The following PALS2 variants were observed in gnomAD, a reference collection of about 807,000 sequenced individuals.
The protein encoded by PALS2 is protein associated with LIN7 2, MAGUK p55 family member.
Under a neutral mutation model 61.6 loss-of-function variants are expected in PALS2, and 27 were observed. The observed-to-expected ratio is 0.44, with a 90% CI of 0.32 to 0.60. The LOEUF (loss-of-function observed/expected upper bound fraction) is 0.60. PALS2 is among the 20% of genes least tolerant of loss of function. The pLI is 0.05. For synonymous variants in PALS2, 236 were observed against 218.6 expected, an observed-to-expected ratio of 1.08 and a Z score of -0.70; for missense variants, 554 against 639.4, an observed-to-expected ratio of 0.87 and a Z score of 1.44.
At chr7:24,671,763 C>T (rs997352829) in intron 9 of PALS2, among the ~76,000 whole-genome samples, 1 of 152,066 alleles carries the variant, frequency 6.6e-6, no homozygotes, top group African/African-American at 2.4e-5. Flanking sequence ...TTGCACTTAT[C>T]CAGTTGTCAC....
chr7:24,595,502 TATATATAATATATAATATATATA>T (rs1477174444), intron 1 of PALS2, among the ~76,000 whole-genome samples: 2 of 110,490 alleles, frequency 1.8e-5, no homozygotes, highest in Non-Finnish European at 3.4e-5. Context: ...ATATTTTTAA[TATATATAATATATAATATATATA>T]ATATATAATA....
chr7:24,624,015 C>A, intron 2 of PALS2: 1 of 1,237,354 alleles, frequency 8.1e-7, no homozygotes, highest in Non-Finnish European at 1.1e-6. Context: ...TGGCGTAATG[C>A]CTTTAAGGTT....
intron 1 of PALS2, among the ~76,000 whole-genome samples, chr7:24,600,891 A>G (rs1347265995): frequency 6.6e-6 from 1 of 152,176 alleles, no homozygotes; most frequent in Non-Finnish European, 1.5e-5. Flanking sequence ...ATTTTTCAGC[A>G]TGCAAACTAG....
intron 1 of PALS2, among the ~76,000 whole-genome samples, chr7:24,585,179 G>A (rs559111183): frequency 6.6e-6 from 1 of 152,210 alleles, no homozygotes; most frequent in South Asian, 2.1e-4. Context: ...CTTTAAAGTA[G>A]TTTTTTCCAA....
chr7:24,615,025 A>T (rs1467037944), intron 1 of PALS2, among the ~76,000 whole-genome samples: 1 of 152,008 alleles, frequency 6.6e-6, no homozygotes, highest in Non-Finnish European at 1.5e-5. Context: ...TGGAATTTCA[A>T]CCACATGATC....
chr7:24,679,853 C>T (rs1298899661), intron 10 of PALS2, among the ~76,000 whole-genome samples: 1 of 152,136 alleles, frequency 6.6e-6, no homozygotes, highest in East Asian at 1.9e-4. Flanking sequence ...AGTCATTTCA[C>T]TATGCCTTAA....
At chr7:24,625,194 G>A (rs1784689570) in intron 2 of PALS2, among the ~76,000 whole-genome samples, 1 of 152,066 alleles carries the variant, frequency 6.6e-6, no homozygotes, top group Non-Finnish European at 1.5e-5. Context: ...CTGTTAAATA[G>A]TTTACCTGGG....
intron 1 of PALS2, among the ~76,000 whole-genome samples, chr7:24,608,696 G>T (rs1784012111): frequency 6.6e-6 from 1 of 152,122 alleles, no homozygotes; most frequent in African/African-American, 2.4e-5. Context: ...TGAACTCTTT[G>T]GCTCAAGTGA....
chr7:24,609,457 G>A (rs898518262), intron 1 of PALS2, among the ~76,000 whole-genome samples: 1 of 152,132 alleles, frequency 6.6e-6, no homozygotes, highest in Non-Finnish European at 1.5e-5. Flanking sequence ...AAGAACAGAA[G>A]GGAAGAAAAT....
At chr7:24,604,770 A>G (rs1249866772) in intron 1 of PALS2, among the ~76,000 whole-genome samples, 1 of 152,188 alleles carries the variant, frequency 6.6e-6, no homozygotes. Flanking sequence ...GTCTAACCCT[A>G]ATCACCTCCC....
rs962277193 is a variant in PALS2 at position 24,692,716 on chromosome 7, C to G, written c.*5102C>G. ...CAAATCCTTGCTGCCAACCAGACCA[C>G]TCACAAATCAAACAAAATGTAAGCA... On this transcript the variant is annotated 3_prime_UTR_variant, in exon 12 of 12. Coordinates refer to ENST00000222644, the MANE Select transcript of PALS2 (RefSeq NM_001303037.2). 6.6e-6 allele frequency: 1 copy of G among 152,144 alleles called. No individual in the cohort carries two copies. The highest frequency in any genetic ancestry group is 1.5e-5 in the Non-Finnish European group (1 of 68,002). The allele number at this position is 152,144 out of a possible 1,614,324, so 9.4% of individuals were successfully genotyped here. A position where few individuals can be genotyped will look rare whatever the true frequency, so the allele number is the denominator to read the frequency against.
intron 1 of PALS2, among the ~76,000 whole-genome samples, chr7:24,607,070 A>G (rs1228712367): frequency 2.0e-5 from 3 of 152,144 alleles, no homozygotes; most frequent in Non-Finnish European, 4.4e-5. Flanking sequence ...GGAGCATTTC[A>G]GATTTTTGGA....
chr7:24,644,931 C>A (rs1198353497), intron 3 of PALS2, among the ~76,000 whole-genome samples: 1 of 151,938 alleles, frequency 6.6e-6, no homozygotes, highest in Non-Finnish European at 1.5e-5. Flanking sequence ...CCTTGTTGGC[C>A]ACATGTATGT....
chr7:24,608,800 A>G (rs766768006), intron 1 of PALS2, among the ~76,000 whole-genome samples: 17 of 151,958 alleles, frequency 1.1e-4, no homozygotes, highest in Non-Finnish European at 1.9e-4. Flanking sequence ...TTTTGTAGAG[A>G]TGAGGTCTTT....
chr7:24,677,859 G>C (rs977540198), intron 9 of PALS2, among the ~76,000 whole-genome samples: 1 of 152,132 alleles, frequency 6.6e-6, no homozygotes, highest in Non-Finnish European at 1.5e-5. Flanking sequence ...GGGGAAAACA[G>C]GAGTCCTATT....
At chr7:24,589,331 A>G (rs1402594984) in intron 1 of PALS2, 1 of 152,144 alleles carries the variant, frequency 6.6e-6, no homozygotes, top group Non-Finnish European at 1.5e-5. Flanking sequence ...CCACTGAACC[A>G]TTCCACCCCA....
In PALS2 at chr7:24,678,908, C is replaced by A. The variant is rs550285078; in HGVS notation, c.1115-223C>A. ...CCATACAGTCTGTCACAATTACTAC[C>A]ACCATTTTAATGGGAAAGAAACCAT... On this transcript the variant is annotated intron_variant, in intron 9 of 11. Transcript: ENST00000222644. Among the ~76,000 whole-genome samples the A allele has an allele frequency of 8.5e-5, 13 of 152,194 alleles. No individual in the cohort carries two copies. The South Asian group carries it at 2.5e-3, about 29-fold the overall frequency.
At position 24,649,713 on chromosome 7, in the gene PALS2, A is replaced by G. The variant is rs1583945397; in HGVS notation, c.372A>G (p.Pro124=). 8.7e-6 allele frequency: 14 copies of G among 1,611,150 alleles called. No homozygotes were observed. The highest frequency in any genetic ancestry group is 2.2e-5 in the East Asian group (1 of 44,608). ...NNSSINNQLL[P]VDAIRILGIH... is the part of the protein sequence containing the mutation. ...CTTCTATCAATAATCAGTTATTACCAGTAGATGCCATTCGTATTCTTGGTA... is the reference window on the plus strand; with the variant it reads ...CTTCTATCAATAATCAGTTATTACCGGTAGATGCCATTCGTATTCTTGGTA... Residue 124 remains proline, a synonymous_variant, in exon 4 of 12, where the codon CCA becomes CCG. Coordinates refer to ENST00000222644, the MANE Select transcript of PALS2 (RefSeq NM_001303037.2).
chr7:24,623,543 C>A, intron 1 of PALS2, 123 bp from the exon 2 acceptor site: 1 of 564,858 alleles, frequency 1.8e-6, no homozygotes, highest in Non-Finnish European at 3.1e-6. Context: ...GTTATTTTTC[C>A]AAAGAGTATT....
Sources: gnomAD v4.1 joint callset for allele counts (sites outside exome capture counted in the v4.1 genomes callset) on GRCh38, gnomAD v4.1.1 for gene constraint, MANE v1.5 for transcripts, NCBI Gene and HGNC (gene_info 2026-07-23, HGNC 2026-07-21) for gene names.